The following NSUN6 variants were observed in gnomAD, a reference collection of about 807,000 sequenced individuals.
NSUN6 encodes tRNA (cytosine(72)-C(5))-methyltransferase NSUN6.
A neutral mutation model predicts 58.0 loss-of-function variants in NSUN6; 64 were observed. The observed-to-expected ratio is 1.10, with a 90% CI of 0.90 to 1.36. The LOEUF (loss-of-function observed/expected upper bound fraction) is 1.36. NSUN6 is among the 40% of genes most tolerant of loss of function. The pLI is 0.00. For synonymous variants in NSUN6, 231 were observed against 193.9 expected, an observed-to-expected ratio of 1.19 and a Z score of -1.59; for missense variants, 701 against 550.1, an observed-to-expected ratio of 1.27 and a Z score of -2.74.
chr10:18,582,306 G>A (rs1392797852), intron 8 of NSUN6, among the ~76,000 whole-genome samples: 2 of 152,150 alleles, frequency 1.3e-5, no homozygotes, highest in Non-Finnish European at 2.9e-5. Context: ...GGTTGTGGAG[G>A]CTCTCTCCTG....
In NSUN6 at chr10:18,616,237, G is replaced by T; in HGVS notation, c.368C>A (p.Ala123Glu). Residue 123 changes from alanine to glutamate, a missense_variant, in exon 4 of 11, where the codon GCA becomes GAA. By Grantham distance (107) the Ala-to-Glu change is moderately radical. Transcript: ENST00000377304. ...EAIVGAQCGN[A>E]VLRGAHVYAP... Reference sequence around the variant, plus strand: ...ATAGACATGGGCTCCTCTTAAAACTGCATTGCCACACTGGGCTCCAACAAT... The same window carrying T: ...ATAGACATGGGCTCCTCTTAAAACTTCATTGCCACACTGGGCTCCAACAAT... 1 of 1,610,816 alleles carries T rather than the reference G, an allele frequency of 6.2e-7. No individual in the cohort carries two copies.
intron 8 of NSUN6, among the ~76,000 whole-genome samples, chr10:18,584,986 TAG>T (rs1217295813): frequency 6.9e-5 from 6 of 86,424 alleles, no homozygotes; most frequent in African/African-American, 2.8e-4. Flanking sequence ...CTTTCAAAAA[TAG>T]AGACCTATTA....
chr10:18,648,654 A>T lies in NSUN6; in HGVS notation c.76-9T>A, dbSNP rs1474810780. ...CCTAAAGCAGTCACAATCTAAAAAG[A>T]AGTTCATGTTTAAATTTCCTGAGAA... is the stretch of plus-strand genomic sequence containing the variant. On this transcript the variant is annotated splice_polypyrimidine_tract_variant and intron_variant, in intron 1 of 10. Transcript: ENST00000377304. 6.4e-7 allele frequency: 1 copy of T among 1,554,498 alleles called. No homozygotes were observed. The highest frequency in any genetic ancestry group is 1.1e-5 in the South Asian group (1 of 88,934).
At chr10:18,651,717 G>C, upstream of NSUN6, 2 of 985,548 alleles carry the variant, frequency 2.0e-6, no homozygotes, top group Non-Finnish European at 1.2e-6. Context: ...CCAACACTGC[G>C]TTACGCTACG....
chr10:18,643,371 T>C (rs182702197), intron 2 of NSUN6, among the ~76,000 whole-genome samples: 1 of 151,860 alleles, frequency 6.6e-6, no homozygotes, highest in Non-Finnish European at 1.5e-5. Context: ...ACAACAAGTC[T>C]GCCTCGTAGG....
At chr10:18,646,957 G>C (rs2131591455) in intron 2 of NSUN6, among the ~76,000 whole-genome samples, 1 of 152,180 alleles carries the variant, frequency 6.6e-6, no homozygotes, top group African/African-American at 2.4e-5. Context: ...GTTGCTTAGG[G>C]CAACTACTTA....
At chr10:18,555,432 T>G (rs2054923796) in intron 8 of NSUN6, among the ~76,000 whole-genome samples, 1 of 146,484 alleles carries the variant, frequency 6.8e-6, no homozygotes, top group Non-Finnish European at 1.5e-5. Flanking sequence ...TGGAATGCAT[T>G]GGAGAATGGA....
chr10:18,586,309 C>T (rs979494149), intron 7 of NSUN6, among the ~76,000 whole-genome samples: 15 of 152,240 alleles, frequency 9.9e-5, no homozygotes, highest in African/African-American at 2.6e-4. Flanking sequence ...AGAATGAAGC[C>T]GCAGACCCTT....
At position 18,586,057 on chromosome 10, in the gene NSUN6, C is replaced by A. The variant is rs1466060064; in HGVS notation, c.814G>T (p.Val272Leu). The A allele has an allele frequency of 1.2e-6, 2 of 1,608,600 alleles. No homozygotes were observed. Among genetic ancestry groups the A allele is most frequent in the Non-Finnish European group, 8.5e-7 (1 of 1,177,774 alleles). ...VIALDKIFNKVEKIKQNALLL... is the reference protein window; with the variant it reads ...VIALDKIFNKLEKIKQNALLL... The stretch of plus-strand genomic sequence containing the variant: ...AAGGCATTCTGTTTGATTTTTTCTA[C>A]TTTGTTGAAGATTTTATCCAGTGCT... The change falls in exon 8 of 11, where the codon GTA becomes TTA. Residue 272 changes from valine to leucine, a missense_variant. Transcript: ENST00000377304.
intron 3 of NSUN6, among the ~76,000 whole-genome samples, chr10:18,620,432 G>C (rs2058565751): frequency 6.6e-6 from 1 of 151,928 alleles, no homozygotes; most frequent in Non-Finnish European, 1.5e-5. Flanking sequence ...AAAATTCCTT[G>C]GTACAAAAAA....
intron 8 of NSUN6, among the ~76,000 whole-genome samples, chr10:18,552,968 CTCCATTCCATTCCAT>C (rs549055903): frequency 6.9e-6 from 1 of 143,966 alleles, no homozygotes; most frequent in Non-Finnish European, 1.6e-5. Context: ...ACATTCCATT[CTCCATTCCATTCCAT>C]TCCATTCTAT....
intron 10 of NSUN6, among the ~76,000 whole-genome samples, chr10:18,547,852 G>T (rs936505380): frequency 6.6e-6 from 1 of 152,096 alleles, no homozygotes; most frequent in African/African-American, 2.4e-5. Context: ...ATAGCTACAA[G>T]GGGAATAAAC....
chr10:18,646,225 G>A (rs1031189829), intron 2 of NSUN6, among the ~76,000 whole-genome samples: 19 of 152,082 alleles, frequency 1.2e-4, no homozygotes, highest in Admixed American at 3.9e-4. Context: ...TTCAATATGT[G>A]GTGCACAGAT....
intron 8 of NSUN6, among the ~76,000 whole-genome samples, chr10:18,576,774 G>GATTGTGGTGGT (rs1458331549): frequency 6.6e-6 from 1 of 152,190 alleles, no homozygotes; most frequent in Non-Finnish European, 1.5e-5. Flanking sequence ...TCCCCGAGCA[G>GATTGTGGTGGT]ATTGTGGTGG....
At chr10:18,567,995 A>T (rs111208115) in intron 8 of NSUN6, among the ~76,000 whole-genome samples, 1,829 of 135,198 alleles carry the variant, frequency 0.014, 34 homozygotes, top group African/African-American at 0.048. Flanking sequence ...TCCATTCTCC[A>T]TTCCTTTCTA....
intron 3 of NSUN6, among the ~76,000 whole-genome samples, chr10:18,638,947 T>TAAA (rs35673571): frequency 0.12 from 12,798 of 106,774 alleles, 958 homozygotes; most frequent in Non-Finnish European, 0.17. Context: ...TTGACAATGT[T>TAAA]AAAAAAAAAA....
intron 8 of NSUN6, among the ~76,000 whole-genome samples, chr10:18,580,281 G>A (rs11014986): frequency 0.032 from 4,929 of 152,146 alleles, 248 homozygotes; most frequent in African/African-American, 0.11. Flanking sequence ...GCCATGACCC[G>A]CTCTTTTCTC....
intron 6 of NSUN6, among the ~76,000 whole-genome samples, chr10:18,604,979 G>A (rs11015104): frequency 0.052 from 7,836 of 150,260 alleles, 284 homozygotes; most frequent in Non-Finnish European, 0.077. Flanking sequence ...TCCGCCTCCC[G>A]GGTTCATGCC....
chr10:18,552,298 G>A (rs1488042407), intron 8 of NSUN6, among the ~76,000 whole-genome samples: 2 of 152,088 alleles, frequency 1.3e-5, no homozygotes, highest in Non-Finnish European at 2.9e-5. Flanking sequence ...TAGTTGTTCT[G>A]GAAATGGATA....
Sources: allele counts gnomAD v4.1 joint callset (sites outside exome capture counted in the v4.1 genomes callset), GRCh38; gene constraint gnomAD v4.1.1; transcripts MANE v1.5; gene names NCBI Gene and HGNC (gene_info 2026-07-23, HGNC 2026-07-21).